Variants in ALKBH1 observed in about 807,000 individuals in gnomAD.
The protein encoded by ALKBH1 is nucleic acid dioxygenase ALKBH1.
A neutral mutation model predicts 36.6 loss-of-function variants in ALKBH1; 31 were observed. The ratio of observed to expected loss-of-function variants is 0.85; its 90% CI spans 0.64 to 1.14. The LOEUF is 1.14. ALKBH1 is among the 50% of genes most tolerant of loss of function. ALKBH1 has a pLI of 0.00. For missense variants in ALKBH1, 490 were observed against 497.3 expected (o/e 0.99, Z 0.14); for synonymous variants, 183 against 186.6 (o/e 0.98, Z 0.16).
chr14:77,702,501 T>C (rs2080364985), intron 2 of ALKBH1, among the ~76,000 whole-genome samples: 1 of 152,054 alleles, frequency 6.6e-6, no homozygotes, highest in Non-Finnish European at 1.5e-5. Context: ...TCCTGGCCAT[T>C]GGCACAATGA....
intron 2 of ALKBH1, among the ~76,000 whole-genome samples, chr14:77,695,309 G>A (rs1162923171): frequency 1.3e-5 from 2 of 152,156 alleles, no homozygotes; most frequent in Non-Finnish European, 2.9e-5. Context: ...GAAAGTCATC[G>A]TCTAATGAAT....
intron 4 of ALKBH1, among the ~76,000 whole-genome samples, chr14:77,678,715 T>C (rs775255213): frequency 2.0e-5 from 3 of 152,104 alleles, no homozygotes; most frequent in Non-Finnish European, 4.4e-5. Flanking sequence ...TTCTAAAGCA[T>C]AGAGGATAGG....
In ALKBH1 at chr14:77,679,912, T is replaced by C. The variant is rs762168586; in HGVS notation, c.514A>G (p.Thr172Ala). 1.9e-6 allele frequency: 3 copies of C among 1,614,150 alleles called. No individual in the cohort carries two copies. The highest frequency in any genetic ancestry group is 2.2e-5 in the East Asian group (1 of 44,888). The change falls in exon 4 of 6, where the codon ACC becomes GCC. Residue 172 changes from threonine to alanine, a missense_variant. Coordinates refer to ENST00000216489, the MANE Select transcript of ALKBH1 (RefSeq NM_006020.3). ...TCCCAGTTATAATGGTAGCCTACGGTCACCCAACGCAGTTTCTCCAGTAAA... is the reference window on the plus strand; with the variant it reads ...TCCCAGTTATAATGGTAGCCTACGGCCACCCAACGCAGTTTCTCCAGTAAA... ...RSLLEKLRWV[T>A]VGYHYNWDSK...
chr14:77,692,483 T>C (rs1310302418), intron 3 of ALKBH1, among the ~76,000 whole-genome samples: 2 of 152,214 alleles, frequency 1.3e-5, no homozygotes, highest in Non-Finnish European at 2.9e-5. Context: ...CCTAGATCCC[T>C]TGCATGTACA....
intron 3 of ALKBH1, chr14:77,683,159 T>C: frequency 1.9e-6 from 1 of 519,938 alleles, no homozygotes. Context: ...CTTTTTTTTT[T>C]TTTTTTTTTT....
intron 2 of ALKBH1, among the ~76,000 whole-genome samples, chr14:77,699,237 T>C (rs1369151334): frequency 6.6e-6 from 1 of 152,214 alleles, no homozygotes; most frequent in Non-Finnish European, 1.5e-5. Flanking sequence ...ACACATTTTA[T>C]GGAAATATCC....
intron 2 of ALKBH1, among the ~76,000 whole-genome samples, chr14:77,701,168 C>T (rs1191352545): frequency 1.3e-5 from 2 of 152,114 alleles, no homozygotes; most frequent in Admixed American, 1.3e-4. Context: ...ATCTGCCTCT[C>T]TATAATTTTC....
At position 77,679,885 on chromosome 14, in the gene ALKBH1, T is replaced by C. The variant is rs746052021; in HGVS notation, c.541A>G (p.Ser181Gly). 4 of 1,613,722 alleles carry C rather than the reference T, an allele frequency of 2.5e-6. No homozygotes were observed. The South Asian group carries it at 4.4e-5, about 18-fold the overall frequency. The change falls in exon 4 of 6, where the codon AGT (serine) becomes GGT (glycine). Residue 181 changes from serine to glycine, a missense_variant. Transcript: ENST00000216489. ...AATTAAGAAAACCTGAATACCTTACTGTCCCAGTTATAATGGTAGCCTACG... is the reference window on the plus strand; with the variant it reads ...AATTAAGAAAACCTGAATACCTTACCGTCCCAGTTATAATGGTAGCCTACG... The part of the protein sequence containing the change: ...VTVGYHYNWD[S>G]KKYSADHYTP...
intron 1 of ALKBH1, among the ~76,000 whole-genome samples, chr14:77,706,536 A>C (rs1186257423): frequency 1.3e-5 from 2 of 152,178 alleles, no homozygotes; most frequent in Non-Finnish European, 2.9e-5. Context: ...CTTAATTACT[A>C]CTTTAATCTG....
At chr14:77,683,508 G>A (rs2080250294) in intron 3 of ALKBH1, 1 of 679,254 alleles carries the variant, frequency 1.5e-6, no homozygotes, top group African/African-American at 1.8e-5. Flanking sequence ...TTTTGCCATG[G>A]CAACATTTAT....
At chr14:77,677,351 C>T (rs532616183) in intron 4 of ALKBH1, among the ~76,000 whole-genome samples, 7 of 152,230 alleles carry the variant, frequency 4.6e-5, no homozygotes, top group African/African-American at 1.7e-4. Flanking sequence ...GGCCATAATA[C>T]TCTCTATAAC....
chr14:77,691,888 C>T (rs1227039512), intron 3 of ALKBH1: 1 of 152,114 alleles, frequency 6.6e-6, no homozygotes, highest in Non-Finnish European at 1.5e-5. Flanking sequence ...TTTACTTAAC[C>T]ACGATCTTCC....
At chr14:77,702,614 G>A (rs2080365547) in intron 2 of ALKBH1, among the ~76,000 whole-genome samples, 2 of 151,896 alleles carry the variant, frequency 1.3e-5, no homozygotes, top group Non-Finnish European at 2.9e-5. Context: ...CTAGAAAAAA[G>A]GTTAATAACA....
chr14:77,683,884 C>T (rs9323649), intron 3 of ALKBH1: 72,927 of 155,446 alleles, frequency 0.47, 17,367 homozygotes, highest in African/African-American at 0.5. Flanking sequence ...CAATATCATC[C>T]CTCTTACAGA....
At chr14:77,702,862 A>G (rs1027160014) in intron 2 of ALKBH1, among the ~76,000 whole-genome samples, 13 of 152,118 alleles carry the variant, frequency 8.5e-5, no homozygotes, top group Admixed American at 7.9e-4. Context: ...CTAATTAAAA[A>G]CATTTTTTTT....
At chr14:77,677,992 G>A (rs1345485883) in intron 4 of ALKBH1, among the ~76,000 whole-genome samples, 1 of 128,548 alleles carries the variant, frequency 7.8e-6, no homozygotes, top group Non-Finnish European at 1.6e-5. Flanking sequence ...TACTCATTCA[G>A]TTTTTGGTCA....
chr14:77,686,747 G>T (rs544544888), intron 3 of ALKBH1, among the ~76,000 whole-genome samples: 1 of 151,934 alleles, frequency 6.6e-6, no homozygotes, highest in East Asian at 1.9e-4. Flanking sequence ...CCTCAGCCTC[G>T]CAAGTAGCTG....
chr14:77,676,278 C>G (rs72685246), intron 4 of ALKBH1, among the ~76,000 whole-genome samples: 19,834 of 151,946 alleles, frequency 0.13, 1,470 homozygotes, highest in Middle Eastern at 0.19. Flanking sequence ...CCACTGTGCC[C>G]GGTCTATCCA....
chr14:77,702,182 T>A (rs988697967), intron 2 of ALKBH1, among the ~76,000 whole-genome samples: 1 of 152,044 alleles, frequency 6.6e-6, no homozygotes, highest in Non-Finnish European at 1.5e-5. Flanking sequence ...GTGCCTGTAG[T>A]CCCAGCTACT....
Sources: allele counts gnomAD v4.1 joint callset (sites outside exome capture counted in the v4.1 genomes callset), GRCh38; gene constraint gnomAD v4.1.1; transcripts MANE v1.5; gene names NCBI Gene and HGNC (gene_info 2026-07-23, HGNC 2026-07-21).